The following ABHD12 variants were observed in gnomAD, a reference collection of about 807,000 sequenced individuals.
ABHD12 encodes the protein lysophosphatidylserine lipase ABHD12.
A neutral mutation model predicts 58.3 loss-of-function variants in ABHD12; 43 were observed. That is an observed-to-expected ratio of 0.74 (90% CI 0.58 to 0.95). The LOEUF (loss-of-function observed/expected upper bound fraction) is 0.95, where lower values mean the gene tolerates loss of function less well. Ranked by LOEUF, ABHD12 falls within the 40% of genes least tolerant of loss-of-function variation. ABHD12 has a pLI of 0.00. For missense variants in ABHD12, 539 were observed against 537.2 expected, an observed-to-expected ratio of 1.00 and a Z score of -0.03; for synonymous variants, 219 against 211.2, an observed-to-expected ratio of 1.04 and a Z score of -0.32.
intron 1 of ABHD12, among the ~76,000 whole-genome samples, chr20:25,362,067 G>A (rs2089756933): frequency 6.6e-6 from 1 of 151,506 alleles, no homozygotes; most frequent in South Asian, 2.1e-4. Flanking sequence ...ATGAGGTCAG[G>A]ATTTTGAGAC....
chr20:25,346,713 C>T (rs370420961), intron 1 of ABHD12, among the ~76,000 whole-genome samples: 4 of 151,956 alleles, frequency 2.6e-5, no homozygotes, highest in South Asian at 4.1e-4. Flanking sequence ...GGCGTGATCT[C>T]GGCTCACTGT....
rs977665630 is a variant in ABHD12 at position 25,390,698 on chromosome 20, C to T, written c.6G>A (p.Arg2=). The T allele has an allele frequency of 2.9e-6, 4 of 1,391,668 alleles. No homozygotes were observed. Among genetic ancestry groups the T allele is most frequent in the African/African-American group, 3.0e-5 (2 of 66,240 alleles). The allele number at this position is 1,391,668 out of a possible 1,614,324, so 86.2% of individuals were successfully genotyped here. The change falls in exon 1 of 13, where the codon AGG becomes AGA. Residue 2 remains arginine (R), a synonymous_variant. Coordinates refer to ENST00000339157, the MANE Select transcript of ABHD12 (RefSeq NM_001042472.3). Reference sequence around the variant, plus strand: ...CCAAGGCGACGGGCTCGGTCCGCTTCCTCATCCCGCGGCCGACAGGGCCAG... The same window carrying T: ...CCAAGGCGACGGGCTCGGTCCGCTTTCTCATCCCGCGGCCGACAGGGCCAG... M[R]KRTEPVALEH...
rs139323404 is a variant in ABHD12, at chr20:25,349,396, C to A, written c.192-10045G>T. ...GCAATTCCACTCCTCGATATATACT[C>A]CAAAGAACTGATATCAAGGACTGAA... On this transcript the variant is annotated intron_variant, in intron 1 of 12. Coordinates refer to ENST00000339157, the MANE Select transcript of ABHD12 (RefSeq NM_001042472.3). Among the ~76,000 whole-genome samples, 180 of 152,270 alleles carry A rather than the reference C, an allele frequency of 1.2e-3. 1 individual carries two copies. Among genetic ancestry groups the A allele is most frequent in the African/African-American group, 4.1e-3 (172 of 41,560 alleles).
At chr20:25,356,272 G>A (rs190219961) in intron 1 of ABHD12, among the ~76,000 whole-genome samples, 191 of 152,308 alleles carry the variant, frequency 1.3e-3, no homozygotes, top group African/African-American at 4.4e-3. Context: ...TGCTTCCCAC[G>A]GGGGCACAGG....
intron 1 of ABHD12, among the ~76,000 whole-genome samples, chr20:25,360,453 C>T (rs554822671): frequency 1.3e-5 from 2 of 151,772 alleles, no homozygotes; most frequent in African/African-American, 4.8e-5. Context: ...ATTGGCCAGG[C>T]TGGTCTTGAA....
intron 1 of ABHD12, among the ~76,000 whole-genome samples, chr20:25,368,944 T>C (rs1255087774): frequency 6.6e-6 from 1 of 152,126 alleles, no homozygotes; most frequent in African/African-American, 2.4e-5. Context: ...GCAACATATT[T>C]AGACCCTCTT....
chr20:25,324,940 A>G (rs2089147122), intron 2 of ABHD12, among the ~76,000 whole-genome samples: 1 of 152,144 alleles, frequency 6.6e-6, no homozygotes, highest in Admixed American at 6.5e-5. Flanking sequence ...GAGGCAAGCC[A>G]CCACCATCAC....
chr20:25,367,543 A>G (rs1317979625), intron 1 of ABHD12, among the ~76,000 whole-genome samples: 1 of 152,200 alleles, frequency 6.6e-6, no homozygotes, highest in Non-Finnish European at 1.5e-5. Context: ...TGTAAAGCTG[A>G]AACTCTGTAC....
chr20:25,355,786 T>C (rs2089659837), intron 1 of ABHD12, among the ~76,000 whole-genome samples: 1 of 152,188 alleles, frequency 6.6e-6, no homozygotes, highest in African/African-American at 2.4e-5. Context: ...CTCAATCTCC[T>C]GATCTCGTGA....
At chr20:25,361,387 G>A (rs940408075) in intron 1 of ABHD12, among the ~76,000 whole-genome samples, 42 of 152,034 alleles carry the variant, frequency 2.8e-4, no homozygotes, top group African/African-American at 1.0e-3. Context: ...TTGATAAACA[G>A]TCTATGCGTG....
At chr20:25,359,654 C>A (rs2089718552) in intron 1 of ABHD12, among the ~76,000 whole-genome samples, 1 of 151,934 alleles carries the variant, frequency 6.6e-6, no homozygotes, top group Non-Finnish European at 1.5e-5. Flanking sequence ...ACTGCAACCT[C>A]CATCTCCCAG....
intron 1 of ABHD12, among the ~76,000 whole-genome samples, chr20:25,347,372 T>C (rs1056428939): frequency 6.6e-6 from 1 of 152,208 alleles, no homozygotes; most frequent in Non-Finnish European, 1.5e-5. Flanking sequence ...TGTACCAGGA[T>C]GTGTGATTGG....
At position 25,339,087 on chromosome 20, in the gene ABHD12, C is replaced by T. The variant is rs1456674488; in HGVS notation, c.316+140G>A. On this transcript the variant is annotated intron_variant, in intron 2 of 12. Coordinates refer to ENST00000339157, the MANE Select transcript of ABHD12 (RefSeq NM_001042472.3). ...ATCTCTAAAGATATAGGTATATAAA[C>T]TGTACACTTAAGATATGTACCCTTC... 9 of 1,449,898 alleles carry T rather than the reference C, an allele frequency of 6.2e-6. No individual in the cohort carries two copies. In the Admixed American group the frequency reaches 1.7e-4, roughly 28 times the overall value. 89.8% of individuals were successfully genotyped at this position (1,449,898 alleles called of 1,614,324 possible). A position where few individuals can be genotyped will look rare whatever the true frequency, so the allele number is the denominator to read the frequency against.
intron 6 of ABHD12, among the ~76,000 whole-genome samples, chr20:25,312,707 C>A (rs905129347): frequency 2.3e-4 from 35 of 151,508 alleles, no homozygotes; most frequent in Middle Eastern, 3.4e-3. Flanking sequence ...CGCCTCTTCC[C>A]GGCCGCCATC....
intron 1 of ABHD12, among the ~76,000 whole-genome samples, chr20:25,381,658 A>T (rs1357066992): frequency 2.1e-5 from 3 of 142,548 alleles, no homozygotes; most frequent in African/African-American, 8.0e-5. Context: ...TTTGTTTTTG[A>T]GACAAAGTCT....
intron 1 of ABHD12, among the ~76,000 whole-genome samples, chr20:25,344,140 A>T (rs2089488980): frequency 6.6e-6 from 1 of 152,256 alleles, no homozygotes; most frequent in South Asian, 2.1e-4. Flanking sequence ...ATATCTACAA[A>T]AAACAGTTAA....
At chr20:25,299,493 C>T (rs1382223151), downstream of ABHD12, among the ~76,000 whole-genome samples, 1 of 139,308 alleles carries the variant, frequency 7.2e-6, no homozygotes, top group Non-Finnish European at 1.6e-5. Flanking sequence ...TTACATAGAC[C>T]AAAAAAAAAA....
intron 1 of ABHD12, among the ~76,000 whole-genome samples, chr20:25,350,959 TCACACACACACACACA>T (rs61061019): frequency 0.098 from 13,888 of 142,170 alleles, 790 homozygotes; most frequent in South Asian, 0.17. Context: ...TACGAATCCT[TCACACACACACACACA>T]CACACACACA....
chr20:25,370,041 C>T (rs6107031), intron 1 of ABHD12, among the ~76,000 whole-genome samples: 81,952 of 151,530 alleles, frequency 0.54, 22,741 homozygotes, highest in Admixed American at 0.61. Context: ...GACTGGGCTT[C>T]CAGGTTATTT....
Sources: gnomAD v4.1 joint callset for allele counts (sites outside exome capture counted in the v4.1 genomes callset) on GRCh38, gnomAD v4.1.1 for gene constraint, MANE v1.5 for transcripts, NCBI Gene and HGNC (gene_info 2026-07-23, HGNC 2026-07-21) for gene names.